The following CTNNA3 variants were observed in gnomAD, a reference collection of about 807,000 sequenced individuals.
CTNNA3 encodes catenin alpha 3, also known as catenin alpha-3.
CTNNA3 carries 76 observed loss-of-function variants against 95.7 expected under a neutral mutation model. The ratio of observed to expected loss-of-function variants is 0.79; its 90% CI spans 0.66 to 0.96. CTNNA3 has a LOEUF of 0.96. CTNNA3 is among the 40% of genes least tolerant of loss of function. The probability of loss-of-function intolerance (pLI) is 0.00; values close to 1 mark genes in which losing one functional copy is unlikely to be tolerated. For missense variants in CTNNA3, 1,191 were observed against 1,089.8 expected (o/e 1.09, Z -1.31); for synonymous variants, 431 against 374.4 (o/e 1.15, Z -1.74).
intron 12 of CTNNA3, among the ~76,000 whole-genome samples, chr10:66,332,943 G>T (rs2092348885): frequency 6.6e-6 from 1 of 151,840 alleles, no homozygotes; most frequent in South Asian, 2.1e-4. Context: ...ACTTCTTCCT[G>T]GTTTAGTCTT....
intron 11 of CTNNA3, among the ~76,000 whole-genome samples, chr10:66,506,760 A>C (rs1291206373): frequency 6.6e-6 from 1 of 152,150 alleles, no homozygotes; most frequent in Non-Finnish European, 1.5e-5. Context: ...AATGATTAAC[A>C]ATCTCCAATT....
Position 67,090,838 on chromosome 10 carries a change from G to A in CTNNA3, c.1047+89479C>T, listed in dbSNP as rs74929318. 2.6e-5 allele frequency among the ~76,000 whole-genome samples: 4 copies of A among 151,956 alleles called. No homozygotes were observed. The South Asian group carries it at 6.2e-4, about 24-fold the overall frequency. On this transcript the variant is annotated intron_variant, in intron 7 of 17. Coordinates refer to ENST00000433211, the MANE Select transcript of CTNNA3 (RefSeq NM_013266.4). ...CTAAAGAAACTAAGGTAGAACCTGC[G>A]GTAACATCTAGGCCGTCCCTGACAC...
intron 9 of CTNNA3, among the ~76,000 whole-genome samples, chr10:66,670,648 C>G (rs1008650370): frequency 1.3e-5 from 2 of 152,126 alleles, no homozygotes; most frequent in African/African-American, 4.8e-5. Flanking sequence ...TTGATCTCAC[C>G]TGGATAATCT....
chr10:66,766,368 T>C lies in CTNNA3; in HGVS notation c.1177A>G (p.Thr393Ala). 2.5e-6 allele frequency: 4 copies of C among 1,613,736 alleles called. No individual in the cohort carries two copies. Among genetic ancestry groups the C allele is most frequent in the Non-Finnish European group, 3.4e-6 (4 of 1,179,748 alleles). ...DHVSDSFLDT[T>A]VPLLVLIEAA... ...TCAATGAGAACCAAAAGAGGGACTG[T>C]CGTATCCAGGAAAGAGTCTGACACA... The change falls in exon 9 of 18, where the codon ACA (threonine) becomes GCA (alanine). Residue 393 changes from threonine to alanine, a missense_variant. Coordinates refer to ENST00000433211, the MANE Select transcript of CTNNA3 (RefSeq NM_013266.4).
At chr10:67,517,840 A>G (rs924541994) in intron 5 of CTNNA3, among the ~76,000 whole-genome samples, 2 of 152,128 alleles carry the variant, frequency 1.3e-5, no homozygotes, top group Admixed American at 6.6e-5. Flanking sequence ...ATTCTATCCC[A>G]TATGTTCAGA....
At chr10:67,149,352 G>A (rs1184406988) in intron 7 of CTNNA3, among the ~76,000 whole-genome samples, 9 of 152,180 alleles carry the variant, frequency 5.9e-5, no homozygotes, top group African/African-American at 1.7e-4. Context: ...TTGGGAGGCC[G>A]AGGCGGGCAG....
At chr10:66,384,262 C>G (rs2092869223) in intron 11 of CTNNA3, among the ~76,000 whole-genome samples, 3 of 151,806 alleles carry the variant, frequency 2.0e-5, no homozygotes, top group Admixed American at 2.0e-4. Context: ...ATCTACCAAG[C>G]AAATGGAAAA....
intron 3 of CTNNA3, among the ~76,000 whole-genome samples, chr10:67,543,919 G>T (rs914400388): frequency 6.6e-6 from 1 of 152,110 alleles, no homozygotes; most frequent in South Asian, 2.1e-4. Flanking sequence ...ACCTCAATTC[G>T]ATCCTAAACT....
intron 13 of CTNNA3, among the ~76,000 whole-genome samples, chr10:66,141,739 G>T (rs1040107889): frequency 6.6e-6 from 1 of 152,108 alleles, no homozygotes; most frequent in Non-Finnish European, 1.5e-5. Flanking sequence ...CAAAATAACA[G>T]CACATATAAG....
Position 66,073,771 on chromosome 10 carries a change from C to T in CTNNA3, c.1978-4282G>A, listed in dbSNP as rs568378586. Among the ~76,000 whole-genome samples the T allele has an allele frequency of 2.2e-4, 34 of 152,082 alleles. No homozygotes were observed. The South Asian group carries it at 7.1e-3, about 32-fold the overall frequency. ...TCTTTCTGAATATGATGGAATTGTG[C>T]AATCCTTCATCTAATCTCCTTATCT... On this transcript the variant is annotated intron_variant, in intron 14 of 17. Coordinates refer to ENST00000433211, the MANE Select transcript of CTNNA3 (RefSeq NM_013266.4).
intron 16 of CTNNA3, among the ~76,000 whole-genome samples, chr10:65,988,203 T>A (rs991074807): frequency 2.0e-4 from 30 of 152,164 alleles, no homozygotes; most frequent in Non-Finnish European, 4.0e-4. Flanking sequence ...AACAAAGAAA[T>A]GATAGATGTT....
chr10:66,941,744 G>A (rs545394823), intron 7 of CTNNA3, among the ~76,000 whole-genome samples: 1 of 152,294 alleles, frequency 6.6e-6, no homozygotes, highest in East Asian at 1.9e-4. Flanking sequence ...CGCGTGAGCT[G>A]AGTGTGGCTG....
rs1843298572 is a variant in CTNNA3, at chr10:67,606,981, A to G, written c.168T>C (p.Ser56=). ...SRKKGRSKRA[S]VLLASVEEAT... is the part of the protein sequence containing the mutation. ...CTTCCTCCACAGAAGCTAGAAGGACACTGGCTCTTTTCGAACGTCCTTTTT... is the reference window on the plus strand; with the variant it reads ...CTTCCTCCACAGAAGCTAGAAGGACGCTGGCTCTTTTCGAACGTCCTTTTT... Residue 56 remains serine (S), a synonymous_variant, in exon 3 of 18, where the codon AGT becomes AGC. Transcript: ENST00000433211. 2 of 1,614,052 alleles carry G rather than the reference A, an allele frequency of 1.2e-6. No homozygotes were observed. The highest frequency in any genetic ancestry group is 8.5e-7 in the Non-Finnish European group (1 of 1,179,900).
At chr10:66,558,863 T>C (rs1301095325) in intron 10 of CTNNA3, among the ~76,000 whole-genome samples, 3 of 152,062 alleles carry the variant, frequency 2.0e-5, no homozygotes, top group Non-Finnish European at 4.4e-5. Context: ...TATTCAAATC[T>C]CACTAAATAA....
At chr10:67,525,706 C>T (rs771699765) in intron 4 of CTNNA3, among the ~76,000 whole-genome samples, 35 of 152,250 alleles carry the variant, frequency 2.3e-4, no homozygotes, top group Middle Eastern at 3.4e-3. Flanking sequence ...TTTTCCTCTC[C>T]CTCACTGCCA....
chr10:66,421,216 T>C (rs531371486), intron 11 of CTNNA3, among the ~76,000 whole-genome samples: 146 of 152,150 alleles, frequency 9.6e-4, no homozygotes, highest in Admixed American at 3.7e-3. Context: ...GATCTGATAA[T>C]GGTAGAGAGA....
At chr10:67,663,129 A>C (rs1056617127) in intron 1 of CTNNA3, among the ~76,000 whole-genome samples, 2 of 152,128 alleles carry the variant, frequency 1.3e-5, no homozygotes, top group Non-Finnish European at 2.9e-5. Flanking sequence ...AATAGTATTC[A>C]TTCCCAGGCT....
Position 66,289,877 on chromosome 10 carries a change from A to C in CTNNA3, c.1733-9256T>G, listed in dbSNP as rs569844917. 1.3e-3 allele frequency among the ~76,000 whole-genome samples: 199 copies of C among 152,176 alleles called. 2 individuals are homozygous for C. Among genetic ancestry groups the C allele is most frequent in the South Asian group, 0.012 (58 of 4,828 alleles). ...AAACATCAGAAAACAAAATAAGCTA[A>C]AGTTCCCTTCTATAAAATGAAAAAG... On this transcript the variant is annotated intron_variant, in intron 12 of 17. Coordinates refer to ENST00000433211, the MANE Select transcript of CTNNA3 (RefSeq NM_013266.4).
chr10:67,477,591 A>C (rs1848067948), intron 5 of CTNNA3, among the ~76,000 whole-genome samples: 1 of 152,202 alleles, frequency 6.6e-6, no homozygotes, highest in Admixed American at 6.5e-5. Context: ...AAAAGCCAAA[A>C]GACTACCCAT....
Sources: allele counts gnomAD v4.1 joint callset (sites outside exome capture counted in the v4.1 genomes callset), GRCh38; gene constraint gnomAD v4.1.1; transcripts MANE v1.5; gene names NCBI Gene and HGNC (gene_info 2026-07-23, HGNC 2026-07-21).